Variants in OPCML observed in about 807,000 individuals in gnomAD.
OPCML encodes the protein opioid binding protein/cell adhesion molecule like, also known as opioid-binding protein/cell adhesion molecule.
A neutral mutation model predicts 37.8 loss-of-function variants in OPCML; 13 were observed. That is an observed-to-expected ratio of 0.34 (90% CI 0.22 to 0.55). The LOEUF (loss-of-function observed/expected upper bound fraction) is 0.55, where lower values mean the gene tolerates loss of function less well. Ranked by LOEUF, OPCML falls within the 20% of genes least tolerant of loss-of-function variation. The pLI, the probability that OPCML is intolerant of heterozygous loss-of-function variation, is 0.91. For synonymous variants in OPCML, 176 were observed against 168.8 expected (o/e 1.04, Z -0.33); for missense variants, 341 against 435.6 (o/e 0.78, Z 1.93).
intron 1 of OPCML, among the ~76,000 whole-genome samples, chr11:133,036,480 C>A (rs1057185984): frequency 6.6e-6 from 1 of 152,196 alleles, no homozygotes; most frequent in Non-Finnish European, 1.5e-5. Context: ...CTATTTCCTC[C>A]TTAACCCACA....
chr11:132,508,494 TC>T (rs35484852), intron 4 of OPCML, among the ~76,000 whole-genome samples: 4 of 151,884 alleles, frequency 2.6e-5, no homozygotes, highest in African/African-American at 4.8e-5. Flanking sequence ...GAAGATCTAG[TC>T]ACACACACAC....
intron 3 of OPCML, among the ~76,000 whole-genome samples, chr11:132,629,076 C>A (rs538806532): frequency 6.6e-6 from 1 of 152,252 alleles, no homozygotes; most frequent in Non-Finnish European, 1.5e-5. Context: ...CCATCCTAAG[C>A]CTGCTTGCCC....
At chr11:132,659,173 T>C (rs1372708957) in intron 2 of OPCML, among the ~76,000 whole-genome samples, 1 of 152,222 alleles carries the variant, frequency 6.6e-6, no homozygotes, top group Non-Finnish European at 1.5e-5. Context: ...CTTGCTTCTT[T>C]TCCTGTTGCT....
chr11:132,933,498 C>T (rs961798054), intron 2 of OPCML, among the ~76,000 whole-genome samples: 2 of 152,056 alleles, frequency 1.3e-5, no homozygotes, highest in African/African-American at 4.8e-5. Flanking sequence ...AAATGCCAGG[C>T]CCTATGGTTG....
chr11:132,565,574 A>T (rs2096420684), intron 3 of OPCML, among the ~76,000 whole-genome samples: 1 of 152,216 alleles, frequency 6.6e-6, no homozygotes, highest in Non-Finnish European at 1.5e-5. Context: ...ACAGCTAAAC[A>T]GAATTCTCTG....
intron 1 of OPCML, among the ~76,000 whole-genome samples, chr11:133,267,674 G>C (rs1941702017): frequency 6.6e-6 from 1 of 152,080 alleles, no homozygotes; most frequent in Non-Finnish European, 1.5e-5. Context: ...ATCTCATCTG[G>C]AATTGTAGCT....
At chr11:132,730,649 T>C (rs951241754) in intron 2 of OPCML, among the ~76,000 whole-genome samples, 23 of 151,924 alleles carry the variant, frequency 1.5e-4, no homozygotes, top group Non-Finnish European at 8.8e-5. Context: ...GTTAGAATGT[T>C]TACTGGCCTC....
At chr11:133,080,429 T>C (rs1356201332) in intron 1 of OPCML, among the ~76,000 whole-genome samples, 4 of 151,648 alleles carry the variant, frequency 2.6e-5, no homozygotes, top group Non-Finnish European at 4.4e-5. Flanking sequence ...GATTCCATAC[T>C]TGCAGCGGCA....
At position 133,424,972 on chromosome 11, in the gene OPCML, C is replaced by T. The variant is rs549328689; in HGVS notation, c.61+107292G>A. ...TTTCCTATTTGATACTCTTCATTAA[C>T]ATGACATGACTATTCCAGGAAATTC... On this transcript the variant is annotated intron_variant, in intron 1 of 7. Transcript: ENST00000524381. 7.9e-5 allele frequency among the ~76,000 whole-genome samples: 12 copies of T among 152,330 alleles called. 1 individual carries two copies. The South Asian group carries it at 2.5e-3, about 32-fold the overall frequency.
At chr11:132,507,664 T>A (rs953259735) in intron 4 of OPCML, among the ~76,000 whole-genome samples, 2 of 151,096 alleles carry the variant, frequency 1.3e-5, no homozygotes, top group African/African-American at 4.8e-5. Context: ...ATAGAGACAA[T>A]TTTTCTCTAA....
intron 2 of OPCML, among the ~76,000 whole-genome samples, chr11:132,712,945 G>A (rs928882030): frequency 6.6e-6 from 1 of 152,174 alleles, no homozygotes; most frequent in Non-Finnish European, 1.5e-5. Context: ...CGATGCTCAG[G>A]CCTCTGTAGC....
intron 4 of OPCML, among the ~76,000 whole-genome samples, chr11:132,475,013 T>C (rs906531779): frequency 1.1e-4 from 17 of 152,228 alleles, no homozygotes; most frequent in Non-Finnish European, 1.9e-4. Flanking sequence ...CCACCTGCCA[T>C]ACTGCTAGTT....
chr11:132,678,098 C>T (rs1942788867), intron 2 of OPCML, among the ~76,000 whole-genome samples: 1 of 152,124 alleles, frequency 6.6e-6, no homozygotes, highest in Non-Finnish European at 1.5e-5. Flanking sequence ...CCTTAATAGA[C>T]ACCTCACCAA....
chr11:132,504,066 G>T (rs1250454876), intron 4 of OPCML, among the ~76,000 whole-genome samples: 1 of 152,040 alleles, frequency 6.6e-6, no homozygotes, highest in Non-Finnish European at 1.5e-5. Context: ...AAGATAACTT[G>T]CAAAAACTTG....
At chr11:133,427,427 G>A (rs1176431889) in intron 1 of OPCML, among the ~76,000 whole-genome samples, 3 of 109,456 alleles carry the variant, frequency 2.7e-5, no homozygotes, top group South Asian at 3.8e-4. Context: ...GGGTGGGGGG[G>A]CGGGGTTCAA....
intron 1 of OPCML, among the ~76,000 whole-genome samples, chr11:133,487,379 T>A (rs1425504254): frequency 6.6e-6 from 1 of 152,182 alleles, no homozygotes; most frequent in Non-Finnish European, 1.5e-5. Flanking sequence ...GGCTGTTCCC[T>A]CTGTCTAAAA....
intron 1 of OPCML, among the ~76,000 whole-genome samples, chr11:132,978,234 T>G (rs779499174): frequency 6.6e-6 from 1 of 152,072 alleles, no homozygotes; most frequent in Non-Finnish European, 1.5e-5. Context: ...GGAAAATCGT[T>G]TGGACCAAGC....
intron 1 of OPCML, among the ~76,000 whole-genome samples, chr11:132,962,712 T>C (rs1188053305): frequency 2.6e-5 from 4 of 152,122 alleles, no homozygotes; most frequent in Non-Finnish European, 5.9e-5. Flanking sequence ...CTTGGAGCCC[T>C]CCTCTGGGAA....
chr11:133,120,356 G>T (rs940509099), intron 1 of OPCML, among the ~76,000 whole-genome samples: 1 of 152,118 alleles, frequency 6.6e-6, no homozygotes, highest in African/African-American at 2.4e-5. Flanking sequence ...GCTAAAATGG[G>T]CAAGGCCATA....
Sources: allele counts gnomAD v4.1 joint callset (sites outside exome capture counted in the v4.1 genomes callset), GRCh38; gene constraint gnomAD v4.1.1; transcripts MANE v1.5; gene names NCBI Gene and HGNC (gene_info 2026-07-23, HGNC 2026-07-21).